The following ROBO1 variants were observed in gnomAD, a reference collection of about 807,000 sequenced individuals.
ROBO1 encodes roundabout guidance receptor 1, also known as roundabout homolog 1.
In ROBO1, 149 loss-of-function variants were observed where a neutral mutation model predicts 195.9. The observed-to-expected ratio is 0.76, with a 90% confidence interval of 0.67 to 0.87. The LOEUF is 0.87. ROBO1 is among the 40% of genes least tolerant of loss of function. The pLI is 0.00. For missense variants in ROBO1, 1,933 were observed against 2,068.3 expected (o/e 0.93, Z 1.27); for synonymous variants, 816 against 733.2 (o/e 1.11, Z -1.82).
intron 2 of ROBO1, among the ~76,000 whole-genome samples, chr3:79,409,908 A>G (rs976015704): frequency 2.0e-5 from 3 of 151,820 alleles, no homozygotes; most frequent in Admixed American, 2.0e-4. Flanking sequence ...TCAACTTTCA[A>G]TTTTTTTTCC....
intron 5 of ROBO1, among the ~76,000 whole-genome samples, chr3:78,744,582 C>T (rs1253023851): frequency 6.6e-6 from 1 of 152,208 alleles, no homozygotes. Context: ...TCAACCAACA[C>T]TGATTTTTTA....
At chr3:79,678,951 T>C (rs1946863454) in intron 1 of ROBO1, among the ~76,000 whole-genome samples, 1 of 152,096 alleles carries the variant, frequency 6.6e-6, no homozygotes, top group South Asian at 2.1e-4. Context: ...AATGGACACT[T>C]AATGAATACT....
chr3:79,218,036 A>G (rs942855340), intron 2 of ROBO1, among the ~76,000 whole-genome samples: 4 of 151,906 alleles, frequency 2.6e-5, no homozygotes, highest in African/African-American at 9.7e-5. Flanking sequence ...CTTATATTTT[A>G]GAAGATTATA....
chr3:79,328,265 A>G (rs2034298464), intron 2 of ROBO1, among the ~76,000 whole-genome samples: 1 of 152,220 alleles, frequency 6.6e-6, no homozygotes. Flanking sequence ...ATTAACGCAC[A>G]TAAACTCCCT....
intron 2 of ROBO1, among the ~76,000 whole-genome samples, chr3:79,259,493 T>C (rs1052397349): frequency 2.0e-5 from 3 of 152,124 alleles, no homozygotes; most frequent in African/African-American, 7.2e-5. Flanking sequence ...TTATTGGCTA[T>C]AGCCATCCCA....
chr3:79,548,034 G>C (rs1311181412), intron 2 of ROBO1, among the ~76,000 whole-genome samples: 1 of 152,138 alleles, frequency 6.6e-6, no homozygotes, highest in East Asian at 1.9e-4. Context: ...CCCATGTCAG[G>C]TGTCGGGTGT....
At chr3:79,109,327 T>G (rs1378252490) in intron 3 of ROBO1, among the ~76,000 whole-genome samples, 1 of 151,988 alleles carries the variant, frequency 6.6e-6, no homozygotes, top group African/African-American at 2.4e-5. Context: ...TTCTTAAGAA[T>G]TAATGTTAAT....
At chr3:79,443,748 T>C (rs183578890) in intron 2 of ROBO1, among the ~76,000 whole-genome samples, 109 of 152,234 alleles carry the variant, frequency 7.2e-4, no homozygotes, top group Non-Finnish European at 1.3e-3. Context: ...TTCTATCAAA[T>C]ATAAAAATGT....
chr3:79,403,316 A>C (rs1032230913), intron 2 of ROBO1, among the ~76,000 whole-genome samples: 2 of 151,976 alleles, frequency 1.3e-5, no homozygotes, highest in African/African-American at 4.8e-5. Flanking sequence ...TATAGTGTAA[A>C]ATCTTAATGG....
At chr3:78,632,549 C>T (rs950970472) in intron 24 of ROBO1, among the ~76,000 whole-genome samples, 3 of 152,136 alleles carry the variant, frequency 2.0e-5, no homozygotes, top group Admixed American at 6.6e-5. Flanking sequence ...TCCATCAGTC[C>T]GGAGAGGCCT....
chr3:78,620,389 GT>G (rs1704381894), intron 26 of ROBO1, among the ~76,000 whole-genome samples: 1 of 151,974 alleles, frequency 6.6e-6, no homozygotes, highest in African/African-American at 2.4e-5. Context: ...GCAGACACCT[GT>G]AATCCCAGCT....
At chr3:79,677,436 G>A (rs1337519935) in intron 1 of ROBO1, among the ~76,000 whole-genome samples, 3 of 151,908 alleles carry the variant, frequency 2.0e-5, no homozygotes, top group Admixed American at 6.6e-5. Flanking sequence ...AAGGCACATC[G>A]TATGTGGATG....
At chr3:79,272,229 G>A (rs911850745) in intron 2 of ROBO1, among the ~76,000 whole-genome samples, 9 of 152,000 alleles carry the variant, frequency 5.9e-5, no homozygotes, top group African/African-American at 2.2e-4. Flanking sequence ...ACAATACCAG[G>A]AATATATAGA....
intron 1 of ROBO1, among the ~76,000 whole-genome samples, chr3:79,617,261 T>A (rs1026562465): frequency 2.0e-5 from 3 of 152,216 alleles, no homozygotes; most frequent in South Asian, 2.1e-4. Context: ...TAGTTGTAAT[T>A]GCCATCTACT....
intron 2 of ROBO1, among the ~76,000 whole-genome samples, chr3:79,571,679 G>C (rs1241804829): frequency 6.6e-6 from 1 of 152,038 alleles, no homozygotes; most frequent in African/African-American, 2.4e-5. Flanking sequence ...TATGTGTTTT[G>C]ATTCAGTGTA....
chr3:78,788,165 G>C (rs1372664193), intron 4 of ROBO1, among the ~76,000 whole-genome samples: 1 of 150,778 alleles, frequency 6.6e-6, no homozygotes, highest in Non-Finnish European at 1.5e-5. Flanking sequence ...GCCCAGGCTG[G>C]AGTGCAGTGG....
intron 4 of ROBO1, among the ~76,000 whole-genome samples, chr3:78,795,320 G>T (rs333510): frequency 0.96 from 146,005 of 152,302 alleles, 70,301 homozygotes; most frequent in East Asian, 1. Flanking sequence ...ATGGATTCTT[G>T]CTTAATACAA....
In ROBO1 at chr3:79,270,179, T is replaced by TTCTCTCTC. The variant is rs138141200; in HGVS notation, c.89-144648_89-144641dup. On this transcript the variant is annotated intron_variant, in intron 2 of 30. Transcript: ENST00000464233. ...ATTTGGATAGTTTACATACATAATGTTCTCTCTCTCTCTCTCTCTCTCTCT... is the reference window on the plus strand; with the variant it reads ...ATTTGGATAGTTTACATACATAATGTTCTCTCTCTCTCTCTCTCTCTCTCTCTCTCTCT... Among the ~76,000 whole-genome samples, 1,007 of 140,754 alleles carry TTCTCTCTC rather than the reference T, an allele frequency of 7.2e-3. 12 individuals are homozygous for TTCTCTCTC. Among genetic ancestry groups the TTCTCTCTC allele is most frequent in the African/African-American group, 0.023 (858 of 37,190 alleles). 92.3% of individuals were successfully genotyped at this position (140,754 alleles called of 152,430 possible). A position where few individuals can be genotyped will look rare whatever the true frequency, so the allele number is the denominator to read the frequency against.
rs1239153616 is a variant in ROBO1 at position 79,025,265 on chromosome 3, A to G, written c.173-86338T>C. 3.9e-5 allele frequency among the ~76,000 whole-genome samples: 6 copies of G among 152,164 alleles called. No homozygotes were observed. In the South Asian group the frequency reaches 6.2e-4, roughly 16 times the overall value. On this transcript the variant is annotated intron_variant, in intron 3 of 30. Transcript: ENST00000464233. Reference sequence around the variant, plus strand: ...GTTTTTGTTTCATCAAACCTCAGAGAGGCTTTATCTGTCCAGGTCCTTTAA... The same window carrying G: ...GTTTTTGTTTCATCAAACCTCAGAGGGGCTTTATCTGTCCAGGTCCTTTAA...
Sources: allele counts gnomAD v4.1 joint callset (sites outside exome capture counted in the v4.1 genomes callset), GRCh38; gene constraint gnomAD v4.1.1; transcripts MANE v1.5; gene names NCBI Gene and HGNC (gene_info 2026-07-23, HGNC 2026-07-21).